The following NOTCH4 variants were observed in gnomAD, a reference collection of about 807,000 sequenced individuals.
NOTCH4 encodes the protein neurogenic locus notch homolog protein 4.
Under a neutral mutation model 189.0 loss-of-function variants are expected in NOTCH4, and 138 were observed. That is an observed-to-expected ratio of 0.73 (90% CI 0.64 to 0.84). The LOEUF is 0.84. NOTCH4 is among the 40% of genes least tolerant of loss of function. The probability of loss-of-function intolerance (pLI) is 0.00; values close to 1 mark genes in which losing one functional copy is unlikely to be tolerated. For synonymous variants in NOTCH4, 942 were observed against 1,032.8 expected, an observed-to-expected ratio of 0.91 and a Z score of 1.69; for missense variants, 2,286 against 2,605.4, an observed-to-expected ratio of 0.88 and a Z score of 2.67.
chr6:32,196,908 C>A lies in NOTCH4; in HGVS notation c.5200+17G>T. ...CTCAACTTCTCTATAGCATACATCA[C>A]CCCTTCCTCTACATACCCCATTTAT... On this transcript the variant is annotated intron_variant, in intron 28 of 29. Coordinates refer to ENST00000375023, the MANE Select transcript of NOTCH4 (RefSeq NM_004557.4). 6.2e-7 allele frequency: 1 copy of A among 1,612,760 alleles called. No individual in the cohort carries two copies. The highest frequency in any genetic ancestry group is 8.5e-7 in the Non-Finnish European group (1 of 1,179,986).
chr6:32,207,230 G>A (rs1160804190), intron 18 of NOTCH4, among the ~76,000 whole-genome samples: 1 of 151,750 alleles, frequency 6.6e-6, no homozygotes, highest in African/African-American at 2.4e-5. Context: ...CTCCCGGCCA[G>A]CCAACTTACT....
At position 32,200,843 on chromosome 6, in the gene NOTCH4, G is replaced by A. The variant is rs777423381; in HGVS notation, c.4303C>T (p.His1435Tyr). ...AGGGGTCACCTACCGGTCCCTGCAT[G>A]AGGGTGGACAGCCAGCAGTGGTCCA... is the stretch of plus-strand genomic sequence containing the variant. ...LPGPLLAVHP[H>Y]AGTAPPANQL... Residue 1435 changes from histidine to tyrosine, a missense_variant, in exon 23 of 30, where the codon CAT (histidine) becomes TAT (tyrosine). Physicochemically the swap from His to Tyr is moderately conservative, Grantham distance 83. Transcript: ENST00000375023. The surrounding 1 kb of genome is among the most constrained non-coding windows in gnomAD (Gnocchi z 5.0). The A allele has an allele frequency of 6.2e-7, 1 of 1,606,442 alleles. No individual in the cohort carries two copies.
chr6:32,204,044 G>T, intron 19 of NOTCH4, 93 bp downstream of exon 19: 1 of 1,538,072 alleles, frequency 6.5e-7, no homozygotes. Flanking sequence ...TGGACCAGGT[G>T]ACGGCTGCCG....
At position 32,195,564 on chromosome 6, in the gene NOTCH4, G is replaced by T; in HGVS notation, c.5885C>A (p.Ala1962Asp). The T allele has an allele frequency of 5.0e-6, 8 of 1,613,096 alleles. No individual in the cohort carries two copies. The highest frequency in any genetic ancestry group is 5.9e-6 in the Non-Finnish European group (7 of 1,180,026). ...DWVALGACGSASNIPIPPPCL... is the reference protein window; with the variant it reads ...DWVALGACGSDSNIPIPPPCL... ...AGGAGGCGGGATCGGAATGTTGGAG[G>T]CAGAACCGCAAGCTCCCAGGGCCAC... Residue 1962 changes from alanine (A) to aspartate (D), a missense_variant, in exon 30 of 30, where the codon GCC becomes GAC. By Grantham distance (126) the Ala-to-Asp change is moderately radical (BLOSUM62 -2). Transcript: ENST00000375023. The surrounding 1 kb of genome is among the most constrained non-coding windows in gnomAD (Gnocchi z 5.4).
chr6:32,212,369 A>G lies in NOTCH4; in HGVS notation c.2680+105T>C, dbSNP rs3131294. 0.89 allele frequency: 918,329 copies of G among 1,036,354 alleles called. 408,649 individuals are homozygous for G. Among genetic ancestry groups the G allele is most frequent in the East Asian group, 1 (41,055 of 41,128 alleles). 64.2% of individuals were successfully genotyped at this position (1,036,354 alleles called of 1,614,324 possible). A position where few individuals can be genotyped will look rare whatever the true frequency, so the allele number is the denominator to read the frequency against. On this transcript the variant is annotated intron_variant, in intron 17 of 29. Transcript: ENST00000375023. This position sits in a 1 kb window ranked among gnomAD's most constrained non-coding sequence, Gnocchi z 4.4. ...TTGTCTGTGTGGTTTTGATTCTCAG[A>G]TGGTTGTTTTGGCCAAAAGCTGTGT...
chr6:32,207,983 G>A (rs916038593), intron 18 of NOTCH4, among the ~76,000 whole-genome samples: 2 of 139,812 alleles, frequency 1.4e-5, no homozygotes, highest in East Asian at 2.1e-4. Flanking sequence ...CAGCCCAGGC[G>A]ACGGTGCAAG....
Position 32,210,411 on chromosome 6 carries a change from G to T in NOTCH4, c.2865+341C>A, listed in dbSNP as rs1463371888. ...CAGCAGGGGAGAGACAGGTCAACTG[G>T]ACATTTTCAGTAGAGTACCCTGGCC... On this transcript the variant is annotated intron_variant, in intron 18 of 29. Coordinates refer to ENST00000375023, the MANE Select transcript of NOTCH4 (RefSeq NM_004557.4). The surrounding 1 kb of genome is among the most constrained non-coding windows in gnomAD (Gnocchi z 4.8). Among the ~76,000 whole-genome samples, 1 of 152,136 alleles carries T rather than the reference G, an allele frequency of 6.6e-6. No homozygotes were observed. Among genetic ancestry groups the T allele is most frequent in the African/African-American group, 2.4e-5 (1 of 41,418 alleles).
Position 32,210,761 on chromosome 6 carries a change from A to T in NOTCH4, c.2856T>A (p.Tyr952Ter). 1 of 1,612,482 alleles carries T rather than the reference A, an allele frequency of 6.2e-7. No individual in the cohort carries two copies. The highest frequency in any genetic ancestry group is 8.5e-7 in the Non-Finnish European group (1 of 1,180,006). The change falls in exon 18 of 30, where the codon TAT (tyrosine) becomes TAA (stop). Residue 952 changes from tyrosine to a stop codon, truncating the protein, a stop_gained. Coordinates refer to ENST00000375023, the MANE Select transcript of NOTCH4 (RefSeq NM_004557.4). LOFTEE classifies it high-confidence loss of function. This position sits in a 1 kb window ranked among gnomAD's most constrained non-coding sequence, Gnocchi z 4.8. ...GATCMAQPSG[Y>*]LCQCAPGYDG... ...CTGCAGACCCTCTCACCTGGCAGAG[A>T]TACCCACTGGGCTGGGCCATGCAGG... is the stretch of plus-strand genomic sequence containing the variant.
rs1789973213 is a variant in NOTCH4, at chr6:32,224,027, C to T, written c.-99G>A. 1 of 1,243,810 alleles carries T rather than the reference C, an allele frequency of 8.0e-7. No homozygotes were observed. Among genetic ancestry groups the T allele is most frequent in the Admixed American group, 2.6e-5 (1 of 38,278 alleles). The allele number at this position is 1,243,810 out of a possible 1,614,324, so 77.0% of individuals were successfully genotyped here. The stretch of plus-strand genomic sequence containing the variant: ...GGAGCCACCTCCTCTGCTCCCACTG[C>T]CCCTCTTCTTCCTCCTCGGCCTGCT... On this transcript the variant is annotated 5_prime_UTR_variant, in exon 1 of 30. Coordinates refer to ENST00000375023, the MANE Select transcript of NOTCH4 (RefSeq NM_004557.4).
chr6:32,223,979 C>A lies in NOTCH4; in HGVS notation c.-51G>T. 6.5e-7 allele frequency: 1 copy of A among 1,542,222 alleles called. No homozygotes were observed. Among genetic ancestry groups the A allele is most frequent in the Non-Finnish European group, 8.7e-7 (1 of 1,151,430 alleles). ...GTCCCTGTCCCTCTTCAGGCAGGGA[C>A]CCTCAGAGCTCTCACTGGGGCAGGA... On this transcript the variant is annotated 5_prime_UTR_variant, in exon 1 of 30. Transcript: ENST00000375023.
In NOTCH4 at chr6:32,219,792, A is replaced by C. The variant is rs1789634154; in HGVS notation, c.1316-6T>G. On this transcript the variant is annotated splice_polypyrimidine_tract_variant and splice_region_variant and intron_variant, in intron 7 of 29. Coordinates refer to ENST00000375023, the MANE Select transcript of NOTCH4 (RefSeq NM_004557.4). ...GGGACTTGGGCCTTGCTGGGCTGGG[A>C]GGAGAGAAGAGCTGGGAGTCCACAG... 1.2e-6 allele frequency: 2 copies of C among 1,609,810 alleles called. No individual in the cohort carries two copies. The highest frequency in any genetic ancestry group is 1.1e-5 in the South Asian group (1 of 90,536).
At chr6:32,219,571 A>G in intron 8 of NOTCH4, 21 bp downstream of exon 8, 1 of 1,608,836 alleles carries the variant, frequency 6.2e-7, no homozygotes, top group Non-Finnish European at 8.5e-7. Flanking sequence ...TTCCCCACCC[A>G]AGGCCCCATC....
chr6:32,207,381 T>C (rs182598337), intron 18 of NOTCH4, among the ~76,000 whole-genome samples: 1 of 150,914 alleles, frequency 6.6e-6, no homozygotes, highest in Admixed American at 6.6e-5. Flanking sequence ...CCCAGCACTT[T>C]GGGAGGCGGA....
At position 32,215,371 on chromosome 6, in the gene NOTCH4, C is replaced by T. The variant is rs1028272251; in HGVS notation, c.1876G>A (p.Val626Ile). ...CACAGGTTGGGAGCACACAGGGGAA[C>T]CTCACAGAGCTGGCCTGGGGTGGGA... is the stretch of plus-strand genomic sequence containing the variant. ...PSGFTGQLCEVPLCAPNLCQP... is the reference protein window; with the variant it reads ...PSGFTGQLCEIPLCAPNLCQP... Residue 626 changes from valine to isoleucine, a missense_variant, in exon 12 of 30, where the codon GTT (valine) becomes ATT (isoleucine). Transcript: ENST00000375023. 6.2e-7 allele frequency: 1 copy of T among 1,609,762 alleles called. No homozygotes were observed. Among genetic ancestry groups the T allele is most frequent in the East Asian group, 2.2e-5 (1 of 44,824 alleles).
chr6:32,219,972 G>A (rs1789646392), intron 7 of NOTCH4, among the ~76,000 whole-genome samples, 157 bp downstream of exon 7: 1 of 152,220 alleles, frequency 6.6e-6, no homozygotes, highest in Non-Finnish European at 1.5e-5. Flanking sequence ...GCTGAACATT[G>A]GAGAGAGGGT....
In NOTCH4 at chr6:32,219,574, G is replaced by A. The variant is rs1350735299; in HGVS notation, c.1510+18C>T. ...TAGTTCCCTGTTTTCCCCACCCAAG[G>A]CCCCATCCAGCTGATACCTGGCGGG... is the stretch of plus-strand genomic sequence containing the variant. On this transcript the variant is annotated intron_variant, in intron 8 of 29. Transcript: ENST00000375023. 4.4e-6 allele frequency: 7 copies of A among 1,609,158 alleles called. No individual in the cohort carries two copies.
In NOTCH4 at chr6:32,199,373, C is replaced by T. The variant is rs1482761794; in HGVS notation, c.4316-228G>A. Reference sequence around the variant, plus strand: ...TATGAGGCCAGGAGTTCGAGACCAGCCTGGCCAACATGGCAAAACCCCCTC... The same window carrying T: ...TATGAGGCCAGGAGTTCGAGACCAGTCTGGCCAACATGGCAAAACCCCCTC... On this transcript the variant is annotated intron_variant, in intron 23 of 29. Coordinates refer to ENST00000375023, the MANE Select transcript of NOTCH4 (RefSeq NM_004557.4). This position sits in a 1 kb window ranked among gnomAD's most constrained non-coding sequence, Gnocchi z 4.9. Among the ~76,000 whole-genome samples the T allele has an allele frequency of 6.6e-6, 1 of 152,124 alleles. No homozygotes were observed. Among genetic ancestry groups the T allele is most frequent in the African/African-American group, 2.4e-5 (1 of 41,432 alleles).
rs1240085268 is a variant in NOTCH4 at position 32,200,508 on chromosome 6, C to A, written c.4315+323G>T. 6.6e-6 allele frequency among the ~76,000 whole-genome samples: 1 copy of A among 152,166 alleles called. No homozygotes were observed. Among genetic ancestry groups the A allele is most frequent in the Non-Finnish European group, 1.5e-5 (1 of 68,034 alleles). On this transcript the variant is annotated intron_variant, in intron 23 of 29. Coordinates refer to ENST00000375023, the MANE Select transcript of NOTCH4 (RefSeq NM_004557.4). This position sits in a 1 kb window ranked among gnomAD's most constrained non-coding sequence, Gnocchi z 5.0. ...ATAGGCATGAGCCACTGCGCCCAGC[C>A]TATTATTCTTTCATGTACTATGAAT...
intron 28 of NOTCH4, among the ~76,000 whole-genome samples, chr6:32,196,676 C>A (rs1017774421): frequency 6.6e-6 from 1 of 152,126 alleles, no homozygotes; most frequent in Admixed American, 6.5e-5. Context: ...GAGATTCCCC[C>A]CCCTTTCCAC....
Sources: allele counts gnomAD v4.1 joint callset (sites outside exome capture counted in the v4.1 genomes callset), GRCh38; gene constraint gnomAD v4.1.1; non-coding constraint Gnocchi (gnomAD v3.1); transcripts MANE v1.5; gene names NCBI Gene and HGNC (gene_info 2026-07-23, HGNC 2026-07-21).